Variants in IGF1 observed in about 807,000 individuals in gnomAD.
The protein encoded by IGF1 is insulin like growth factor 1, also known as insulin-like growth factor 1.
IGF1 carries 4 observed loss-of-function variants against 13.8 expected under a neutral mutation model. The ratio of observed to expected loss-of-function variants is 0.29; its 90% CI spans 0.14 to 0.66. IGF1 has a LOEUF of 0.66. Among genes scored for constraint, IGF1 ranks in the 30% least tolerant of loss-of-function variants. The probability of loss-of-function intolerance (pLI) is 0.78; values close to 1 mark genes in which losing one functional copy is unlikely to be tolerated. For missense variants in IGF1, 124 were observed against 188.5 expected, an observed-to-expected ratio of 0.66 and a Z score of 2.00; for synonymous variants, 76 against 72.6, an observed-to-expected ratio of 1.05 and a Z score of -0.23.
At chr12:102,455,354 G>A (rs549360374) in intron 2 of IGF1, among the ~76,000 whole-genome samples, 3 of 152,284 alleles carry the variant, frequency 2.0e-5, no homozygotes, top group African/African-American at 7.2e-5. Context: ...GAAGAGAGAG[G>A]TCACACACAG....
chr12:102,450,271 G>A (rs764203973), intron 2 of IGF1, among the ~76,000 whole-genome samples: 5 of 152,080 alleles, frequency 3.3e-5, no homozygotes, highest in Non-Finnish European at 5.9e-5. Flanking sequence ...ACTTTTATGC[G>A]ACTCTCCTAG....
intron 1 of IGF1, among the ~76,000 whole-genome samples, chr12:102,477,911 T>C (rs1405032498): frequency 2.0e-5 from 3 of 152,166 alleles, no homozygotes; most frequent in African/African-American, 7.2e-5. Context: ...TTAATAGTTC[T>C]AGTATAACAC....
At chr12:102,457,503 C>T (rs1879516271) in intron 2 of IGF1, among the ~76,000 whole-genome samples, 1 of 152,164 alleles carries the variant, frequency 6.6e-6, no homozygotes, top group Non-Finnish European at 1.5e-5. Context: ...GCTTGTTTGC[C>T]CAGTATTTCT....
At chr12:102,422,788 C>T (rs1034256430) in intron 2 of IGF1, among the ~76,000 whole-genome samples, 1 of 152,096 alleles carries the variant, frequency 6.6e-6, no homozygotes, top group South Asian at 2.1e-4. Flanking sequence ...TTTATCTTTG[C>T]CTTGAGAAAC....
intron 3 of IGF1, among the ~76,000 whole-genome samples, chr12:102,419,005 A>C (rs1313974604): frequency 6.6e-6 from 1 of 152,238 alleles, no homozygotes; most frequent in East Asian, 1.9e-4. Flanking sequence ...CAGAACTTGA[A>C]AGGTTACAAG....
chr12:102,450,684 T>A (rs908504537), intron 2 of IGF1, among the ~76,000 whole-genome samples: 2 of 152,250 alleles, frequency 1.3e-5, no homozygotes, highest in African/African-American at 4.8e-5. Flanking sequence ...TTAAATAAGT[T>A]CTCTTGCTAC....
upstream of IGF1, among the ~76,000 whole-genome samples, chr12:102,481,303 G>A (rs958210149): frequency 6.6e-6 from 1 of 151,962 alleles, no homozygotes; most frequent in African/African-American, 2.4e-5. Context: ...TACCTGGGGG[G>A]CAAACAATTT....
At chr12:102,452,399 G>C (rs1879042915) in intron 2 of IGF1, among the ~76,000 whole-genome samples, 1 of 151,658 alleles carries the variant, frequency 6.6e-6, no homozygotes, top group Non-Finnish European at 1.5e-5. Context: ...GTCTTGGACA[G>C]TTCTTTATAG....
At chr12:102,425,334 T>G (rs1565974320) in intron 2 of IGF1, among the ~76,000 whole-genome samples, 1 of 152,212 alleles carries the variant, frequency 6.6e-6, no homozygotes, top group Non-Finnish European at 1.5e-5. Flanking sequence ...GATTTCACTT[T>G]TGGCCTGTGT....
At chr12:102,404,354 C>T (rs1873949763) in intron 3 of IGF1, among the ~76,000 whole-genome samples, 1 of 152,170 alleles carries the variant, frequency 6.6e-6, no homozygotes, top group African/African-American at 2.4e-5. Flanking sequence ...AGATAAACTG[C>T]CACCCCTTGG....
intron 2 of IGF1, among the ~76,000 whole-genome samples, chr12:102,445,767 G>A (rs1224567881): frequency 2.0e-5 from 3 of 152,150 alleles, no homozygotes; most frequent in Non-Finnish European, 2.9e-5. Context: ...TTCCAATGCT[G>A]TGTTGAATAG....
chr12:102,450,596 G>C (rs757485382), intron 2 of IGF1, among the ~76,000 whole-genome samples: 6 of 152,212 alleles, frequency 3.9e-5, no homozygotes, highest in Admixed American at 1.3e-4. Flanking sequence ...ATCTGGAGAT[G>C]ATTATTATTA....
chr12:102,469,484 C>A (rs1382161634), intron 2 of IGF1, among the ~76,000 whole-genome samples: 1 of 152,170 alleles, frequency 6.6e-6, no homozygotes, highest in African/African-American at 2.4e-5. Flanking sequence ...TGTACAGCAG[C>A]AGCCTCTAAT....
intron 2 of IGF1, among the ~76,000 whole-genome samples, chr12:102,430,001 G>C (rs931664280): frequency 1.3e-5 from 2 of 152,192 alleles, no homozygotes; most frequent in African/African-American, 4.8e-5. Context: ...CACAGCTGGG[G>C]AAGCTCCTTT....
intron 2 of IGF1, among the ~76,000 whole-genome samples, chr12:102,419,974 C>T (rs1318379765): frequency 6.6e-6 from 1 of 152,128 alleles, no homozygotes; most frequent in African/African-American, 2.4e-5. Flanking sequence ...CTTGTCTATG[C>T]CCAATCCTAG....
At chr12:102,440,312 C>T (rs1249765040) in intron 2 of IGF1, among the ~76,000 whole-genome samples, 2 of 152,194 alleles carry the variant, frequency 1.3e-5, no homozygotes, top group Non-Finnish European at 2.9e-5. Context: ...TCCCCAAATA[C>T]TGGGATGGGC....
intron 2 of IGF1, among the ~76,000 whole-genome samples, chr12:102,432,808 C>T (rs891464318): frequency 1.3e-5 from 2 of 152,072 alleles, no homozygotes; most frequent in African/African-American, 2.4e-5. Flanking sequence ...CTAACCTGCA[C>T]GTTGTGCACA....
At chr12:102,441,955 C>CTTCTTCTTCTTCTTCTTCTTCTTCTTCT (rs1555244164) in intron 2 of IGF1, among the ~76,000 whole-genome samples, 2 of 140,058 alleles carry the variant, frequency 1.4e-5, no homozygotes, top group African/African-American at 2.7e-5. Flanking sequence ...TCTTCTTCTT[C>CTTCTTCTTCTTCTTCTTCTTCTTCTTCT]TTTTTTTTTT....
At chr12:102,440,820 A>G (rs1432327907) in intron 2 of IGF1, among the ~76,000 whole-genome samples, 4 of 152,262 alleles carry the variant, frequency 2.6e-5, no homozygotes, top group Admixed American at 2.0e-4. Flanking sequence ...GCTTAAACAA[A>G]CTGCAATATA....
Sources: allele counts gnomAD v4.1 joint callset (sites outside exome capture counted in the v4.1 genomes callset), GRCh38; gene constraint gnomAD v4.1.1; transcripts MANE v1.5; gene names NCBI Gene and HGNC (gene_info 2026-07-23, HGNC 2026-07-21).